XPO4: variants seen among roughly 807,000 people sequenced by gnomAD.
The protein encoded by XPO4 is exportin 4.
XPO4 carries 39 observed loss-of-function variants against 143.0 expected under a neutral mutation model. The ratio of observed to expected loss-of-function variants is 0.27; its 90% CI spans 0.21 to 0.36. The LOEUF (loss-of-function observed/expected upper bound fraction) is 0.36, where lower values mean the gene tolerates loss of function less well. Among genes scored for constraint, XPO4 ranks in the 10% least tolerant of loss-of-function variants. The pLI is 1.00. For missense variants in XPO4, 907 were observed against 1,348.0 expected (o/e 0.67, Z 5.12); for synonymous variants, 439 against 474.0 (o/e 0.93, Z 0.96).
chr13:20,880,465 CCA>C (rs950556534), intron 1 of XPO4, among the ~76,000 whole-genome samples: 7 of 152,000 alleles, frequency 4.6e-5, no homozygotes, highest in Admixed American at 3.9e-4. Context: ...AAAGGAACAG[CCA>C]CTAGGGAAGA....
chr13:20,867,853 TAAA>T (rs1336037558), intron 2 of XPO4, among the ~76,000 whole-genome samples: 1 of 152,056 alleles, frequency 6.6e-6, no homozygotes, highest in Admixed American at 6.6e-5. Flanking sequence ...TGGCTCCCAC[TAAA>T]AAAATCAGCC....
At position 20,850,204 on chromosome 13, in the gene XPO4, T is replaced by C. The variant is rs894045986; in HGVS notation, c.456+5423A>G. 3 of 985,074 alleles carry C rather than the reference T, an allele frequency of 3.0e-6. No homozygotes were observed. The African/African-American group carries it at 5.2e-5, about 17-fold the overall frequency. The allele number at this position is 985,074 out of a possible 1,614,324, so 61.0% of individuals were successfully genotyped here. A position where few individuals can be genotyped will look rare whatever the true frequency, so the allele number is the denominator to read the frequency against. ...TATTGTTTGAGAGAAAAACACATGA[T>C]TTATTATAGTTCACTTCCCGAGATT... On this transcript the variant is annotated intron_variant, in intron 4 of 22. Transcript: ENST00000255305.
intron 9 of XPO4, among the ~76,000 whole-genome samples, chr13:20,821,351 C>A (rs2059717546): frequency 6.6e-6 from 1 of 151,908 alleles, no homozygotes; most frequent in African/African-American, 2.4e-5. Flanking sequence ...CACACCACAG[C>A]AACACCCTGT....
rs2059481045 is a variant in XPO4, at chr13:20,804,643, C to T, written c.1817+2814G>A. Among the ~76,000 whole-genome samples, 3 of 152,144 alleles carry T rather than the reference C, an allele frequency of 2.0e-5. No homozygotes were observed. The South Asian group carries it at 6.2e-4, about 31-fold the overall frequency. ...GGAGTTGAAATACAACTCATAAAAA[C>T]ACCAAAATATTTTTAAGTTGTTGAT... On this transcript the variant is annotated intron_variant, in intron 13 of 22. Coordinates refer to ENST00000255305, the MANE Select transcript of XPO4 (RefSeq NM_022459.5).
chr13:20,888,367 G>A (rs1194890085), intron 1 of XPO4, among the ~76,000 whole-genome samples: 1 of 151,904 alleles, frequency 6.6e-6, no homozygotes, highest in Non-Finnish European at 1.5e-5. Flanking sequence ...GTTTTGTTTG[G>A]GGCAGGGTCT....
At chr13:20,796,566 TA>T (rs574069077) in intron 17 of XPO4, among the ~76,000 whole-genome samples, 197 bp downstream of exon 17, 12 of 150,534 alleles carry the variant, frequency 8.0e-5, no homozygotes, top group African/African-American at 1.7e-4. Flanking sequence ...TAGAAGAAAT[TA>T]AAAAAAAAAT....
chr13:20,851,749 AAGAC>A (rs1479294940), intron 4 of XPO4: 12 of 978,972 alleles, frequency 1.2e-5, no homozygotes, highest in Non-Finnish European at 1.3e-5. Flanking sequence ...GAAAGAAAGA[AAGAC>A]AGAAATTTGA....
intron 4 of XPO4, chr13:20,851,090 C>G (rs1721572341): frequency 1.0e-6 from 1 of 985,270 alleles, no homozygotes; most frequent in Non-Finnish European, 1.2e-6. Flanking sequence ...TGTTCACTGT[C>G]ATTTATATCT....
chr13:20,883,992 C>T (rs946612020), intron 1 of XPO4, among the ~76,000 whole-genome samples: 2 of 152,118 alleles, frequency 1.3e-5, no homozygotes, highest in Admixed American at 6.5e-5. Flanking sequence ...TCTTGAACTC[C>T]CAACCTCAGG....
chr13:20,855,794 A>C, intron 3 of XPO4, 29 bp from the exon 4 acceptor site: 1 of 1,549,668 alleles, frequency 6.5e-7, no homozygotes, highest in East Asian at 2.3e-5. Flanking sequence ...ATTGTGAAAA[A>C]TTTACCTAAA....
chr13:20,818,443 C>T (rs1181814530), intron 9 of XPO4, among the ~76,000 whole-genome samples: 1 of 152,160 alleles, frequency 6.6e-6, no homozygotes, highest in Non-Finnish European at 1.5e-5. Flanking sequence ...TGCTACACAA[C>T]GTTACCACCA....
rs1168873149 is a variant in XPO4, at chr13:20,781,738, C to T, written c.*1984G>A. The stretch of plus-strand genomic sequence containing the variant: ...GTCCAGTCAATTGTGTGTTTCAGTG[C>T]CCTTTGGTAAAGAGACTGTACTTAG... On this transcript the variant is annotated 3_prime_UTR_variant, in exon 23 of 23. Coordinates refer to ENST00000255305, the MANE Select transcript of XPO4 (RefSeq NM_022459.5). 1.3e-5 allele frequency: 2 copies of T among 152,038 alleles called. No homozygotes were observed. Among genetic ancestry groups the T allele is most frequent in the Non-Finnish European group, 1.5e-5 (1 of 68,004 alleles). The allele number at this position is 152,038 out of a possible 1,614,324, so 9.4% of individuals were successfully genotyped here.
At chr13:20,786,842 A>C in intron 22 of XPO4, 123 bp downstream of exon 22, 3 of 657,816 alleles carry the variant, frequency 4.6e-6, no homozygotes, top group Non-Finnish European at 7.2e-6. Context: ...TCCTCACTGA[A>C]ACAGAACTGA....
At chr13:20,867,614 T>C (rs531689920) in intron 2 of XPO4, among the ~76,000 whole-genome samples, 2 of 152,330 alleles carry the variant, frequency 1.3e-5, no homozygotes, top group South Asian at 4.1e-4. Context: ...CAGCACTCTT[T>C]CCACTACAAT....
intron 2 of XPO4, among the ~76,000 whole-genome samples, chr13:20,867,119 T>C (rs1395411347): frequency 6.6e-6 from 1 of 152,242 alleles, no homozygotes; most frequent in Non-Finnish European, 1.5e-5. Flanking sequence ...TCCTTTAACA[T>C]TGAGTTAAAT....
chr13:20,842,877 C>T lies in XPO4; in HGVS notation c.727+18G>A, dbSNP rs2059989850. Reference sequence around the variant, plus strand: ...TGAAAATTACCACAGATAAACTATTCATTTGTTAAAAGGATATAATTTGGA... The same window carrying T: ...TGAAAATTACCACAGATAAACTATTTATTTGTTAAAAGGATATAATTTGGA... On this transcript the variant is annotated intron_variant, in intron 6 of 22. Transcript: ENST00000255305. The T allele has an allele frequency of 8.2e-6, 13 of 1,586,440 alleles. No individual in the cohort carries two copies. Among genetic ancestry groups the T allele is most frequent in the Non-Finnish European group, 1.1e-5 (13 of 1,161,688 alleles).
At chr13:20,884,263 T>C (rs2060440740) in intron 1 of XPO4, among the ~76,000 whole-genome samples, 2 of 152,304 alleles carry the variant, frequency 1.3e-5, no homozygotes, top group South Asian at 4.1e-4. Flanking sequence ...ACCTGTAGTC[T>C]TAGCTATTCA....
intron 6 of XPO4, among the ~76,000 whole-genome samples, chr13:20,836,329 C>CATTAAAAA (rs2059916388): frequency 4.9e-5 from 7 of 142,172 alleles, no homozygotes; most frequent in South Asian, 2.2e-4. Context: ...TCTTACCTAT[C>CATTAAAAA]GGTAACAGAC....
chr13:20,799,520 G>T (rs73437412), intron 15 of XPO4, among the ~76,000 whole-genome samples, 181 bp from the exon 16 acceptor site: 5,788 of 152,232 alleles, frequency 0.038, 372 homozygotes, highest in African/African-American at 0.13. Flanking sequence ...CCCACTAGTT[G>T]TCTGGTGATG....
Sources: gnomAD v4.1 joint callset for allele counts (sites outside exome capture counted in the v4.1 genomes callset) on GRCh38, gnomAD v4.1.1 for gene constraint, MANE v1.5 for transcripts, NCBI Gene and HGNC (gene_info 2026-07-23, HGNC 2026-07-21) for gene names.